The following ALOX5AP variants were observed in gnomAD, a reference collection of about 807,000 sequenced individuals.
ALOX5AP encodes arachidonate 5-lipoxygenase activating protein, also known as arachidonate 5-lipoxygenase-activating protein.
Under a neutral mutation model 18.5 loss-of-function variants are expected in ALOX5AP, and 9 were observed. The observed-to-expected ratio is 0.49, with a 90% CI of 0.29 to 0.85. The LOEUF (loss-of-function observed/expected upper bound fraction) is 0.85. ALOX5AP is among the 40% of genes least tolerant of loss of function. The pLI is 0.08. For missense variants in ALOX5AP, 172 were observed against 202.5 expected, an observed-to-expected ratio of 0.85 and a Z score of 0.91; for synonymous variants, 81 against 78.6, an observed-to-expected ratio of 1.03 and a Z score of -0.16.
chr13:30,713,731 C>G, exon 1 of ALOX5AP: 1 of 1,529,146 alleles, frequency 6.5e-7, no homozygotes, highest in Non-Finnish European at 8.8e-7. Context: ...CAAAAATGCT[C>G]ACATTTAATC....
chr13:30,741,391 C>CTTTTTTTTTTTT (rs34793607), intron 1 of ALOX5AP, among the ~76,000 whole-genome samples: 4 of 128,776 alleles, frequency 3.1e-5, no homozygotes, highest in Non-Finnish European at 4.9e-5. Context: ...CTTGTTTTGT[C>CTTTTTTTTTTTT]TTTTTTTTTT....
chr13:30,746,892 G>A (rs1251065798), intron 2 of ALOX5AP, among the ~76,000 whole-genome samples: 2 of 152,202 alleles, frequency 1.3e-5, no homozygotes, highest in Admixed American at 1.3e-4. Flanking sequence ...AGGGACCATG[G>A]CTATCAAGGA....
chr13:30,736,193 T>C (rs764237801), intron 1 of ALOX5AP, among the ~76,000 whole-genome samples: 11 of 151,402 alleles, frequency 7.3e-5, no homozygotes, highest in Non-Finnish European at 1.2e-4. Flanking sequence ...TTTTTTCTCC[T>C]GAAGAAACTT....
At chr13:30,754,431 T>C (rs1287890527) in intron 3 of ALOX5AP, among the ~76,000 whole-genome samples, 1 of 152,202 alleles carries the variant, frequency 6.6e-6, no homozygotes, top group Non-Finnish European at 1.5e-5. Context: ...CTCAGTTTCC[T>C]TATTGTAAAA....
intron 1 of ALOX5AP, among the ~76,000 whole-genome samples, chr13:30,728,101 A>G (rs1348658324): frequency 6.6e-6 from 1 of 152,198 alleles, no homozygotes; most frequent in Non-Finnish European, 1.5e-5. Context: ...TCCTAATTCA[A>G]TACAACTAAT....
chr13:30,743,930 T>C (rs1951787530), intron 1 of ALOX5AP, 130 bp from the exon 2 acceptor site: 7 of 687,926 alleles, frequency 1.0e-5, no homozygotes, highest in Non-Finnish European at 1.6e-5. Context: ...TAAATGACAG[T>C]TGATGGAGGA....
chr13:30,735,526 G>A (rs1951713436), upstream of ALOX5AP: 1 of 1,598,974 alleles, frequency 6.3e-7, no homozygotes, highest in Admixed American at 1.7e-5. Flanking sequence ...AAGAGTGCAA[G>A]CTCTCACTTC....
At chr13:30,724,702 T>C (rs9740793) in intron 1 of ALOX5AP, among the ~76,000 whole-genome samples, 5,523 of 152,324 alleles carry the variant, frequency 0.036, 342 homozygotes, top group African/African-American at 0.12. Flanking sequence ...TGCATCACCA[T>C]GGGCCACCGT....
In ALOX5AP at chr13:30,764,297, T is replaced by A. The variant is rs1951971925; in HGVS notation, c.*191T>A. On this transcript the variant is annotated 3_prime_UTR_variant, in exon 5 of 5. Transcript: ENST00000380490. ...TCATGTCAGCTCCGCCCCTTGAACATGACCGTGGCCCCAAATTTGCTATTC... is the reference window on the plus strand; with the variant it reads ...TCATGTCAGCTCCGCCCCTTGAACAAGACCGTGGCCCCAAATTTGCTATTC... 3.6e-5 allele frequency: 20 copies of A among 559,224 alleles called. No individual in the cohort carries two copies. The highest frequency in any genetic ancestry group is 5.7e-5 in the Non-Finnish European group (19 of 334,846). The allele number at this position is 559,224 out of a possible 1,614,324, so 34.6% of individuals were successfully genotyped here.
intron 1 of ALOX5AP, among the ~76,000 whole-genome samples, chr13:30,743,714 G>A (rs1313788792): frequency 6.6e-6 from 1 of 152,014 alleles, no homozygotes; most frequent in Non-Finnish European, 1.5e-5. Context: ...ATGGAATTAA[G>A]TTGCCTCCTT....
At position 30,760,306 on chromosome 13, in the gene ALOX5AP, G is replaced by T. The variant is rs1371424005; in HGVS notation, c.324-3638G>T. On this transcript the variant is annotated intron_variant, in intron 4 of 4. Transcript: ENST00000380490. ...CGGGGGGCCACAGAGAGCTGAGCTG[G>T]GGTGGTCTCGAACTCCTGAACTCAA... is the stretch of plus-strand genomic sequence containing the variant. 2.0e-5 allele frequency among the ~76,000 whole-genome samples: 3 copies of T among 152,002 alleles called. No individual in the cohort carries two copies. In the East Asian group the frequency reaches 5.8e-4, roughly 29 times the overall value.
upstream of ALOX5AP, among the ~76,000 whole-genome samples, chr13:30,732,011 C>A (rs1215778082): frequency 1.3e-5 from 2 of 152,262 alleles, no homozygotes; most frequent in Non-Finnish European, 2.9e-5. Context: ...AAGTGTTCCT[C>A]TGCAGCTGCA....
At chr13:30,757,448 C>G (rs899889494) in intron 4 of ALOX5AP, among the ~76,000 whole-genome samples, 1 of 152,214 alleles carries the variant, frequency 6.6e-6, no homozygotes, top group African/African-American at 2.4e-5. Flanking sequence ...ATTCCATTAT[C>G]TCTCCTATTC....
upstream of ALOX5AP, among the ~76,000 whole-genome samples, chr13:30,735,070 C>T (rs1400294815): frequency 6.6e-6 from 1 of 152,042 alleles, no homozygotes; most frequent in East Asian, 1.9e-4. Context: ...AGTGCAGTGG[C>T]ATAATCATTG....
chr13:30,759,646 TCTC>T (rs1951924982), intron 4 of ALOX5AP, among the ~76,000 whole-genome samples: 1 of 152,150 alleles, frequency 6.6e-6, no homozygotes, highest in Non-Finnish European at 1.5e-5. Flanking sequence ...CGTTGTCATT[TCTC>T]CTCCTCAGCA....
intron 4 of ALOX5AP, among the ~76,000 whole-genome samples, 162 bp downstream of exon 4, chr13:30,756,187 G>A (rs1359455191): frequency 1.3e-5 from 2 of 152,180 alleles, no homozygotes; most frequent in Admixed American, 6.5e-5. Flanking sequence ...CTTTCCCTGA[G>A]CTTTGAAGGC....
Position 30,752,120 on chromosome 13 carries a change from A to G in ALOX5AP, c.239A>G (p.Gln80Arg). 6.2e-7 allele frequency: 1 copy of G among 1,614,018 alleles called. No individual in the cohort carries two copies. The highest frequency in any genetic ancestry group is 8.5e-7 in the Non-Finnish European group (1 of 1,179,878). Residue 80 changes from glutamine (Q) to arginine (R), a missense_variant and splice_region_variant, in exon 3 of 5, where the codon CAA (glutamine) becomes CGA (arginine). Gln to Arg is a conservative substitution (Grantham distance 43). Transcript: ENST00000380490. ...TGGTCTGCGGGGCTACTTTGCAGCC[A>G]AGGTAACTCAGACTTCCCTTTGTTC... ...VLWSAGLLCSQVPAAFAGLMY... is the reference protein window; with the variant it reads ...VLWSAGLLCSRVPAAFAGLMY...
In ALOX5AP at chr13:30,735,559, G is replaced by A. The variant is rs1437241541; in HGVS notation, c.-47G>A. On this transcript the variant is annotated 5_prime_UTR_variant, in exon 1 of 5. In the 5' UTR this introduces an upstream ATG that the reference lacks. Transcript: ENST00000380490. ...TTCCCCTTCCTGTACAGGGCAGGTT[G>A]TGCAGCTGGAGGCAGAGCAGTCCTC... 1 of 1,611,954 alleles carries A rather than the reference G, an allele frequency of 6.2e-7. No individual in the cohort carries two copies. The highest frequency in any genetic ancestry group is 8.5e-7 in the Non-Finnish European group (1 of 1,179,002).
intron 1 of ALOX5AP, among the ~76,000 whole-genome samples, chr13:30,737,150 G>A (rs766179020): frequency 6.6e-6 from 1 of 152,232 alleles, no homozygotes; most frequent in Non-Finnish European, 1.5e-5. Flanking sequence ...GAGGAGCATC[G>A]GTGGACAGGG....
Sources: gnomAD v4.1 joint callset for allele counts (sites outside exome capture counted in the v4.1 genomes callset) on GRCh38, gnomAD v4.1.1 for gene constraint, MANE v1.5 for transcripts, NCBI Gene and HGNC (gene_info 2026-07-23, HGNC 2026-07-21) for gene names.